CDC37L1: variants seen among roughly 807,000 people sequenced by gnomAD.
CDC37L1 encodes hsp90 co-chaperone Cdc37-like 1.
A neutral mutation model predicts 45.9 loss-of-function variants in CDC37L1; 32 were observed. That is an observed-to-expected ratio of 0.70 (90% CI 0.53 to 0.94). The LOEUF (loss-of-function observed/expected upper bound fraction) is 0.94, where lower values mean the gene tolerates loss of function less well. Ranked by LOEUF, CDC37L1 falls within the 40% of genes least tolerant of loss-of-function variation. CDC37L1 has a pLI of 0.00. For synonymous variants in CDC37L1, 150 were observed against 133.0 expected (o/e 1.13, Z -0.88); for missense variants, 434 against 405.7 (o/e 1.07, Z -0.60).
chr9:4,687,343 TA>T (rs1241184861), intron 2 of CDC37L1, among the ~76,000 whole-genome samples: 2 of 152,146 alleles, frequency 1.3e-5, no homozygotes, highest in African/African-American at 4.8e-5. Context: ...TACTTGACTT[TA>T]AAAATCAAAC....
chr9:4,702,063 C>T (rs1390783209), intron 6 of CDC37L1, 35 bp downstream of exon 6: 9 of 1,134,088 alleles, frequency 7.9e-6, no homozygotes, highest in Non-Finnish European at 1.1e-5. Flanking sequence ...TTTTATAAGC[C>T]TATTAATTCA....
intron 1 of CDC37L1, among the ~76,000 whole-genome samples, chr9:4,684,052 A>C (rs943630262): frequency 1.3e-5 from 2 of 152,120 alleles, no homozygotes; most frequent in South Asian, 4.2e-4. Flanking sequence ...TTGGGAGGCC[A>C]AGGTGTGTAG....
At chr9:4,698,397 G>A in intron 5 of CDC37L1, among the ~76,000 whole-genome samples, 1 of 150,252 alleles carries the variant, frequency 6.7e-6, no homozygotes, top group East Asian at 1.9e-4. Flanking sequence ...CTTTTGTAAT[G>A]AGCTGAAGAA....
chr9:4,685,217 A>C, intron 2 of CDC37L1, 59 bp downstream of exon 2: 5 of 1,292,386 alleles, frequency 3.9e-6, no homozygotes, highest in Non-Finnish European at 5.5e-6. Context: ...TGTACAAACC[A>C]GTTGTGCGTA....
chr9:4,705,924 A>G, intron 6 of CDC37L1, 87 bp from the exon 7 acceptor site: 1 of 563,292 alleles, frequency 1.8e-6, no homozygotes, highest in Non-Finnish European at 3.3e-6. Context: ...TAGGACGGTG[A>G]AACTGAATAT....
chr9:4,688,720 G>A, intron 3 of CDC37L1, 114 bp downstream of exon 3: 2 of 636,632 alleles, frequency 3.1e-6, no homozygotes, highest in Non-Finnish European at 5.2e-6. Flanking sequence ...CTCCAATTTT[G>A]TAGCTTCTGG....
At chr9:4,698,604 A>T (rs1841370449) in intron 5 of CDC37L1, among the ~76,000 whole-genome samples, 1 of 152,016 alleles carries the variant, frequency 6.6e-6, no homozygotes, top group South Asian at 2.1e-4. Context: ...CAACCACTTT[A>T]AAAAATTTCC....
chr9:4,702,888 C>CAAAAAAAA (rs397829063), intron 6 of CDC37L1, among the ~76,000 whole-genome samples: 1 of 42,986 alleles, frequency 2.3e-5, no homozygotes, highest in Admixed American at 3.0e-4. Flanking sequence ...GACTCCGTCT[C>CAAAAAAAA]AAAAAAAAAA....
intron 3 of CDC37L1, among the ~76,000 whole-genome samples, chr9:4,691,216 G>A (rs982545940): frequency 3.9e-5 from 6 of 152,162 alleles, no homozygotes; most frequent in Non-Finnish European, 5.9e-5. Context: ...TGCAGGATGT[G>A]CAGGTTTGTT....
At chr9:4,688,458 A>G (rs539484451) in intron 2 of CDC37L1, 55 bp from the exon 3 acceptor site, 20 of 962,832 alleles carry the variant, frequency 2.1e-5, no homozygotes, top group Non-Finnish European at 3.0e-5. Context: ...TATCTGAGAA[A>G]GAAGATTCAA....
intron 2 of CDC37L1, among the ~76,000 whole-genome samples, chr9:4,687,298 TA>T (rs1305960040): frequency 6.6e-5 from 10 of 152,182 alleles, no homozygotes; most frequent in Non-Finnish European, 1.5e-4. Flanking sequence ...ATGACTTATT[TA>T]ACTGAAAATA....
In CDC37L1 at chr9:4,697,837, G is replaced by A; in HGVS notation, c.705G>A (p.Val235=). The A allele has an allele frequency of 6.2e-7, 1 of 1,612,800 alleles. No individual in the cohort carries two copies. The highest frequency in any genetic ancestry group is 8.5e-7 in the Non-Finnish European group (1 of 1,179,042). Residue 235 remains valine, a synonymous_variant, in exon 5 of 7, where the codon GTG becomes GTA. Transcript: ENST00000381854. The part of the protein sequence containing the change: ...FIMEMAKNCN[V]DPRGCFRLFF... The stretch of plus-strand genomic sequence containing the variant: ...TGGAAATGGCCAAAAACTGTAATGT[G>A]GATCCAAGAGGGTGTTTTCGTTTAT...
At chr9:4,684,514 A>C (rs1273952559) in intron 1 of CDC37L1, among the ~76,000 whole-genome samples, 3 of 152,188 alleles carry the variant, frequency 2.0e-5, no homozygotes, top group Non-Finnish European at 4.4e-5. Flanking sequence ...GGTTGTCAGC[A>C]TGTTGAGTAT....
At chr9:4,705,965 A>C (rs920590401) in intron 6 of CDC37L1, 46 bp from the exon 7 acceptor site, 1 of 890,392 alleles carries the variant, frequency 1.1e-6, no homozygotes, top group Non-Finnish European at 1.9e-6. Context: ...AACTGGTTAT[A>C]ATGCGTTCTT....
intron 5 of CDC37L1, 87 bp downstream of exon 5, chr9:4,697,966 A>T: frequency 2.5e-6 from 3 of 1,195,770 alleles, no homozygotes; most frequent in Non-Finnish European, 3.6e-6. Flanking sequence ...GAAGGCATCC[A>T]AGCAGGATGC....
intron 1 of CDC37L1, among the ~76,000 whole-genome samples, chr9:4,682,798 C>G (rs1168244757): frequency 6.6e-6 from 1 of 151,894 alleles, no homozygotes; most frequent in African/African-American, 2.4e-5. Flanking sequence ...TACAAAAGTT[C>G]TTACATCTTT....
At chr9:4,688,745 T>C (rs1026594666) in intron 3 of CDC37L1, 139 bp downstream of exon 3, 4 of 526,962 alleles carry the variant, frequency 7.6e-6, no homozygotes, top group Non-Finnish European at 1.3e-5. Flanking sequence ...GCTGTATAGA[T>C]CTTGTTTTAG....
chr9:4,679,756 G>A lies in CDC37L1; in HGVS notation c.-12G>A. ...GGGCCAAGGGCGGTTGTAGGACCCG[G>A]AGCAGCCGGACATGGAACAACCGTG... is the stretch of plus-strand genomic sequence containing the variant. On this transcript the variant is annotated 5_prime_UTR_variant, in exon 1 of 7. Transcript: ENST00000381854. The A allele has an allele frequency of 1.9e-6, 3 of 1,607,984 alleles. No homozygotes were observed. The highest frequency in any genetic ancestry group is 2.5e-6 in the Non-Finnish European group (3 of 1,176,564).
At chr9:4,687,504 C>G (rs1222667482) in intron 2 of CDC37L1, among the ~76,000 whole-genome samples, 1 of 151,872 alleles carries the variant, frequency 6.6e-6, no homozygotes, top group East Asian at 1.9e-4. Context: ...CATAGCAAGA[C>G]CACGTCTCTA....
Sources: gnomAD v4.1 joint callset for allele counts (sites outside exome capture counted in the v4.1 genomes callset) on GRCh38, gnomAD v4.1.1 for gene constraint, MANE v1.5 for transcripts, NCBI Gene and HGNC (gene_info 2026-07-23, HGNC 2026-07-21) for gene names.